FOXP2: variants seen among roughly 807,000 people sequenced by gnomAD.
FOXP2 encodes forkhead box P2.
A neutral mutation model predicts 115.8 loss-of-function variants in FOXP2; 12 were observed. The ratio of observed to expected loss-of-function variants is 0.10; its 90% CI spans 0.07 to 0.17. FOXP2 has a LOEUF of 0.17. Among genes scored for constraint, FOXP2 ranks in the 10% least tolerant of loss-of-function variants. The pLI, the probability that FOXP2 is intolerant of heterozygous loss-of-function variation, is 1.00. For missense variants in FOXP2, 629 were observed against 843.5 expected (o/e 0.75, Z 3.15); for synonymous variants, 328 against 297.7 (o/e 1.10, Z -1.05).
intron 2 of FOXP2, chr7:114,498,884 A>G (rs1797440604): frequency 2.8e-6 from 2 of 717,920 alleles, no homozygotes; most frequent in African/African-American, 3.5e-5. Context: ...TTTCCTCAGG[A>G]GGATGTTGTC....
At chr7:114,518,753 G>T (rs765346329) in intron 2 of FOXP2, among the ~76,000 whole-genome samples, 1 of 151,978 alleles carries the variant, frequency 6.6e-6, no homozygotes. Flanking sequence ...TGATCTTCCC[G>T]CCTCGGCCTC....
At chr7:114,443,393 C>G (rs1404949003) in intron 2 of FOXP2, among the ~76,000 whole-genome samples, 2 of 152,130 alleles carry the variant, frequency 1.3e-5, no homozygotes, top group Non-Finnish European at 2.9e-5. Flanking sequence ...CTCACTTGTA[C>G]TGACAATCAC....
chr7:114,265,624 G>A (rs2129171968), intron 1 of FOXP2, among the ~76,000 whole-genome samples: 1 of 152,120 alleles, frequency 6.6e-6, no homozygotes, highest in East Asian at 1.9e-4. Context: ...TACTCTGTGT[G>A]GGGCCTCCAA....
At chr7:114,526,796 A>C (rs1033906777) in intron 2 of FOXP2, among the ~76,000 whole-genome samples, 2 of 152,120 alleles carry the variant, frequency 1.3e-5, no homozygotes, top group African/African-American at 4.8e-5. Context: ...CTTTATTGAG[A>C]TATAATTTAT....
At chr7:114,647,061 T>A (rs2045292) in intron 8 of FOXP2, among the ~76,000 whole-genome samples, 37,108 of 151,780 alleles carry the variant, frequency 0.24, 5,811 homozygotes, top group Non-Finnish European at 0.34. Flanking sequence ...AAAAGTTTTT[T>A]AGGAAAATAT....
At chr7:114,493,696 A>G (rs1258431721) in intron 2 of FOXP2, among the ~76,000 whole-genome samples, 1 of 151,922 alleles carries the variant, frequency 6.6e-6, no homozygotes, top group African/African-American at 2.4e-5. Context: ...TCTCTCACAT[A>G]CACACACACT....
At chr7:114,463,745 A>G (rs1166228818) in intron 2 of FOXP2, among the ~76,000 whole-genome samples, 6 of 152,166 alleles carry the variant, frequency 3.9e-5, no homozygotes, top group Non-Finnish European at 8.8e-5. Flanking sequence ...CCATTCCATA[A>G]TCTCTGTTAT....
chr7:114,512,770 T>A (rs1798137113), intron 2 of FOXP2, among the ~76,000 whole-genome samples: 1 of 152,102 alleles, frequency 6.6e-6, no homozygotes, highest in Admixed American at 6.6e-5. Flanking sequence ...ATTGGGATTC[T>A]TGGGGTCAAA....
chr7:114,092,565 G>GA lies in FOXP2; in HGVS notation c.-247+4733dup, dbSNP rs1799564131. Among the ~76,000 whole-genome samples, 3 of 151,880 alleles carry GA rather than the reference G, an allele frequency of 2.0e-5. No individual in the cohort carries two copies. In the South Asian group the frequency reaches 6.2e-4, roughly 32 times the overall value. ...TTCTTAAAATGTATTTTAGGGGTAG[G>GA]AAAAAATCAGTGGTAGACATATTTT... On this transcript the variant is annotated intron_variant, in intron 1 of 19. Coordinates refer to the FOXP2 transcript ENST00000635638.
At chr7:114,226,442 A>G (rs1203302329) in intron 1 of FOXP2, among the ~76,000 whole-genome samples, 3 of 152,106 alleles carry the variant, frequency 2.0e-5, no homozygotes, top group African/African-American at 7.2e-5. Flanking sequence ...GAAACTCTTC[A>G]CCACTTTTTA....
chr7:114,501,315 T>A (rs1797558294), intron 2 of FOXP2, among the ~76,000 whole-genome samples: 1 of 152,190 alleles, frequency 6.6e-6, no homozygotes, highest in Admixed American at 6.6e-5. Flanking sequence ...TCAATTTTAT[T>A]ATTTTTGATA....
At chr7:114,541,472 A>C (rs1799659236) in intron 3 of FOXP2, among the ~76,000 whole-genome samples, 1 of 152,046 alleles carries the variant, frequency 6.6e-6, no homozygotes, top group Admixed American at 6.6e-5. Context: ...TGTCCACAGG[A>C]AGGAGAACAT....
chr7:114,351,678 T>G lies in FOXP2; in HGVS notation c.-11+63569T>G, dbSNP rs1212640326. On this transcript the variant is annotated intron_variant, in intron 2 of 17. Coordinates refer to the FOXP2 transcript ENST00000634411. ...GCTCATTAAAACAGAAATTATATTC[T>G]ATGGTATATTATCTTACAATATGTA... Among the ~76,000 whole-genome samples the G allele has an allele frequency of 2.0e-5, 3 of 152,148 alleles. No individual in the cohort carries two copies. In the South Asian group the frequency reaches 6.2e-4, roughly 32 times the overall value.
intron 2 of FOXP2, among the ~76,000 whole-genome samples, chr7:114,487,039 A>G (rs1333058495): frequency 6.6e-6 from 1 of 151,876 alleles, no homozygotes; most frequent in Non-Finnish European, 1.5e-5. Flanking sequence ...GCCAGTGGGG[A>G]CTCTGTGTGA....
intron 2 of FOXP2, among the ~76,000 whole-genome samples, chr7:114,374,187 T>C (rs1357916713): frequency 6.6e-6 from 1 of 152,230 alleles, no homozygotes; most frequent in East Asian, 1.9e-4. Context: ...TAAGTAATAT[T>C]TGTAGAACAA....
chr7:114,261,218 G>A (rs1435237211), intron 1 of FOXP2, among the ~76,000 whole-genome samples: 1 of 152,136 alleles, frequency 6.6e-6, no homozygotes, highest in Non-Finnish European at 1.5e-5. Context: ...GTGTAAAATG[G>A]TAGTATTCTT....
At chr7:114,452,582 G>T (rs1562934961) in intron 2 of FOXP2, among the ~76,000 whole-genome samples, 1 of 152,000 alleles carries the variant, frequency 6.6e-6, no homozygotes, top group Non-Finnish European at 1.5e-5. Flanking sequence ...CATTTGCAGT[G>T]GTGTCTCTTT....
At chr7:114,456,136 T>C (rs2129221934) in intron 2 of FOXP2, among the ~76,000 whole-genome samples, 1 of 152,318 alleles carries the variant, frequency 6.6e-6, no homozygotes, top group Non-Finnish European at 1.5e-5. Context: ...TCATTGCACC[T>C]ACCACTTTTA....
intron 2 of FOXP2, among the ~76,000 whole-genome samples, chr7:114,385,783 C>T (rs1243214803): frequency 5.3e-5 from 8 of 152,204 alleles, no homozygotes; most frequent in African/African-American, 7.2e-5. Flanking sequence ...AAAATGTTAC[C>T]GGAGGTCCTT....
Sources: gnomAD v4.1 joint callset for allele counts (sites outside exome capture counted in the v4.1 genomes callset) on GRCh38, gnomAD v4.1.1 for gene constraint, MANE v1.5 for transcripts, NCBI Gene and HGNC (gene_info 2026-07-23, HGNC 2026-07-21) for gene names.